SAMD12: variants seen among roughly 807,000 people sequenced by gnomAD.
SAMD12 encodes the protein sterile alpha motif domain-containing protein 12.
A neutral mutation model predicts 15.0 loss-of-function variants in SAMD12; 9 were observed. That is an observed-to-expected ratio of 0.60 (90% CI 0.36 to 1.05). The LOEUF is 1.05. SAMD12 is among the 50% of genes least tolerant of loss of function. SAMD12 has a pLI of 0.01. For missense variants in SAMD12, 230 were observed against 234.2 expected, an observed-to-expected ratio of 0.98 and a Z score of 0.12; for synonymous variants, 86 against 90.1, an observed-to-expected ratio of 0.96 and a Z score of 0.25.
chr8:118,407,366 A>G (rs1351486849), intron 3 of SAMD12, among the ~76,000 whole-genome samples: 1 of 152,168 alleles, frequency 6.6e-6, no homozygotes, highest in Non-Finnish European at 1.5e-5. Flanking sequence ...CCTAATGGCC[A>G]TGAAGTGACA....
At chr8:118,605,631 AT>A (rs914837621) in intron 1 of SAMD12, among the ~76,000 whole-genome samples, 7 of 151,970 alleles carry the variant, frequency 4.6e-5, no homozygotes, top group Non-Finnish European at 8.8e-5. Flanking sequence ...AAATGGAGAT[AT>A]TTTCTAAGAT....
At chr8:118,416,677 C>G (rs903434272) in intron 3 of SAMD12, among the ~76,000 whole-genome samples, 1 of 152,188 alleles carries the variant, frequency 6.6e-6, no homozygotes, top group African/African-American at 2.4e-5. Flanking sequence ...CACAATGGAA[C>G]CCAAGTATAA....
At chr8:118,193,785 AAAC>A (rs1471562483) in exon 5 of SAMD12, 2 of 152,170 alleles carry the variant, frequency 1.3e-5, no homozygotes, top group Admixed American at 6.6e-5. Flanking sequence ...TCCCCGCAAA[AAAC>A]AAAAAAGTGC....
At chr8:118,505,965 T>C (rs544739050) in intron 2 of SAMD12, among the ~76,000 whole-genome samples, 1 of 152,280 alleles carries the variant, frequency 6.6e-6, no homozygotes, top group South Asian at 2.1e-4. Flanking sequence ...TCATCCATTA[T>C]CATCCCAGTC....
chr8:118,355,944 T>G (rs554400871), intron 4 of SAMD12, among the ~76,000 whole-genome samples: 1 of 152,328 alleles, frequency 6.6e-6, no homozygotes, highest in African/African-American at 2.4e-5. Flanking sequence ...ATCCCCTCTC[T>G]TATCTTGCTG....
intron 2 of SAMD12, among the ~76,000 whole-genome samples, chr8:118,461,012 C>T (rs1823403974): frequency 6.6e-6 from 1 of 152,194 alleles, no homozygotes; most frequent in Admixed American, 6.5e-5. Context: ...GTTAGGATGT[C>T]ACTTCCACCT....
chr8:118,157,332 CA>C, the SAMD12 span, among the ~76,000 whole-genome samples: 1 of 152,066 alleles, frequency 6.6e-6, no homozygotes, highest in African/African-American at 2.4e-5. Context: ...GACTCTTCAT[CA>C]GTAAAATGAA....
intron 4 of SAMD12, among the ~76,000 whole-genome samples, chr8:118,334,223 A>C (rs971098206): frequency 6.6e-6 from 1 of 152,210 alleles, no homozygotes; most frequent in African/African-American, 2.4e-5. Flanking sequence ...ATCAGGCACC[A>C]ATCGGTGAGC....
In SAMD12 at chr8:118,378,784, A is replaced by G. The variant is rs1205246313; in HGVS notation, c.*633T>C. On this transcript the variant is annotated 3_prime_UTR_variant, in exon 4 of 4. Transcript: ENST00000314727. The stretch of plus-strand genomic sequence containing the variant: ...GATAGCATCCAAATCTCATGTAGAC[A>G]TATCAGTTACATATAGTGTAACTTA... 6 of 983,926 alleles carry G rather than the reference A, an allele frequency of 6.1e-6. No homozygotes were observed. Among genetic ancestry groups the G allele is most frequent in the Admixed American group, 6.1e-5 (1 of 16,262 alleles). 60.9% of individuals were successfully genotyped at this position (983,926 alleles called of 1,614,324 possible). A position where few individuals can be genotyped will look rare whatever the true frequency, so the allele number is the denominator to read the frequency against.
chr8:118,178,891 T>C, the SAMD12 span, among the ~76,000 whole-genome samples: 1 of 152,196 alleles, frequency 6.6e-6, no homozygotes, highest in Non-Finnish European at 1.5e-5. Flanking sequence ...CTAATGTACG[T>C]GGGGCACCTC....
At chr8:118,236,398 C>T (rs1053409572) in intron 4 of SAMD12, among the ~76,000 whole-genome samples, 2 of 152,122 alleles carry the variant, frequency 1.3e-5, no homozygotes, top group Non-Finnish European at 1.5e-5. Flanking sequence ...TTGCCTCAAC[C>T]GTGAAAGAGT....
chr8:118,523,967 T>C (rs1253521328), intron 2 of SAMD12, among the ~76,000 whole-genome samples: 2 of 152,154 alleles, frequency 1.3e-5, no homozygotes, highest in African/African-American at 4.8e-5. Context: ...ACATGTTCAC[T>C]CTTTCCGCGT....
At chr8:118,217,305 G>C (rs1811987611) in intron 4 of SAMD12, among the ~76,000 whole-genome samples, 1 of 152,070 alleles carries the variant, frequency 6.6e-6, no homozygotes, top group African/African-American at 2.4e-5. Flanking sequence ...CCCGGGCCTG[G>C]TCTCTAACTT....
At chr8:118,150,953 GT>G in the SAMD12 span, among the ~76,000 whole-genome samples, 1 of 152,110 alleles carries the variant, frequency 6.6e-6, no homozygotes, top group East Asian at 1.9e-4. Flanking sequence ...CACACCTGTA[GT>G]CCTAGCCTCT....
the SAMD12 span, among the ~76,000 whole-genome samples, chr8:118,143,250 A>G: frequency 1.3e-5 from 2 of 152,174 alleles, no homozygotes; most frequent in Non-Finnish European, 2.9e-5. Flanking sequence ...CTTTTAGATA[A>G]TGTGTACTGC....
At chr8:118,589,644 G>A (rs1827531394) in intron 1 of SAMD12, among the ~76,000 whole-genome samples, 1 of 152,188 alleles carries the variant, frequency 6.6e-6, no homozygotes, top group Non-Finnish European at 1.5e-5. Flanking sequence ...GAAGTTCTAT[G>A]ATGCTTTAGA....
At chr8:118,293,173 G>T (rs1814513230) in intron 4 of SAMD12, among the ~76,000 whole-genome samples, 1 of 152,032 alleles carries the variant, frequency 6.6e-6, no homozygotes, top group Non-Finnish European at 1.5e-5. Context: ...CCACATAAGT[G>T]CTAATGGCAG....
At chr8:118,161,784 C>T in the SAMD12 span, among the ~76,000 whole-genome samples, 1 of 151,498 alleles carries the variant, frequency 6.6e-6, no homozygotes, top group South Asian at 2.1e-4. Context: ...AGACATGTCT[C>T]CAAGGGGCAA....
At chr8:118,409,003 A>G (rs1175095759) in intron 3 of SAMD12, among the ~76,000 whole-genome samples, 1 of 152,078 alleles carries the variant, frequency 6.6e-6, no homozygotes, top group African/African-American at 2.4e-5. Context: ...GGTTCAAGCA[A>G]TTCTCCAGTC....
Sources: gnomAD v4.1 joint callset for allele counts (sites outside exome capture counted in the v4.1 genomes callset) on GRCh38, gnomAD v4.1.1 for gene constraint, MANE v1.5 for transcripts, NCBI Gene and HGNC (gene_info 2026-07-23, HGNC 2026-07-21) for gene names.